The following DYM variants were observed in gnomAD, a reference collection of about 807,000 sequenced individuals.
The protein encoded by DYM is dymeclin.
DYM carries 78 observed loss-of-function variants against 93.1 expected under a neutral mutation model. That is an observed-to-expected ratio of 0.84 (90% CI 0.70 to 1.01). The LOEUF is 1.01. DYM is among the 50% of genes least tolerant of loss of function. The pLI is 0.00. For synonymous variants in DYM, 321 were observed against 319.7 expected (o/e 1.00, Z -0.04); for missense variants, 789 against 845.0 (o/e 0.93, Z 0.82).
chr18:49,121,490 G>C (rs1458638279), intron 15 of DYM, among the ~76,000 whole-genome samples: 1 of 152,068 alleles, frequency 6.6e-6, no homozygotes, highest in East Asian at 1.9e-4. Flanking sequence ...TATTCAAAGA[G>C]ATAATGACTG....
chr18:49,321,006 A>G (rs1963287223), intron 8 of DYM: 1 of 175,958 alleles, frequency 5.7e-6, no homozygotes. Flanking sequence ...AACATAAATT[A>G]AAACAGCTGC....
intron 5 of DYM, among the ~76,000 whole-genome samples, chr18:49,372,928 TA>T: frequency 6.6e-6 from 1 of 152,142 alleles, no homozygotes; most frequent in South Asian, 2.1e-4. Flanking sequence ...TAAAGTGGCC[TA>T]TGGTTGAAAA....
intron 1 of DYM, among the ~76,000 whole-genome samples, chr18:49,458,423 G>A (rs560774183): frequency 1.6e-3 from 244 of 152,140 alleles, no homozygotes; most frequent in Non-Finnish European, 2.5e-3. Context: ...ACATAAAAGC[G>A]TTTGCACTGT....
At chr18:49,130,216 GA>G (rs1387062785) in intron 15 of DYM, among the ~76,000 whole-genome samples, 1 of 152,100 alleles carries the variant, frequency 6.6e-6, no homozygotes, top group Non-Finnish European at 1.5e-5. Flanking sequence ...GAGTAGTAAA[GA>G]AACACTGAAA....
chr18:49,293,151 T>C (rs1037461669), intron 8 of DYM, among the ~76,000 whole-genome samples: 1 of 152,176 alleles, frequency 6.6e-6, no homozygotes, highest in Non-Finnish European at 1.5e-5. Flanking sequence ...GCAAAGGACA[T>C]GAATTCATCT....
At chr18:49,206,817 C>A (rs527445450) in intron 14 of DYM, among the ~76,000 whole-genome samples, 1 of 152,312 alleles carries the variant, frequency 6.6e-6, no homozygotes, top group East Asian at 1.9e-4. Context: ...CCCCTGGAGG[C>A]TTCATACTGT....
intron 8 of DYM, among the ~76,000 whole-genome samples, chr18:49,292,355 G>GACACACAC (rs57025579): frequency 0.025 from 2,110 of 84,590 alleles, 52 homozygotes; most frequent in South Asian, 0.035. Context: ...CAGACAGACA[G>GACACACAC]ACACACACAC....
At chr18:49,236,782 C>G (rs576119829) in intron 13 of DYM, among the ~76,000 whole-genome samples, 12 of 152,314 alleles carry the variant, frequency 7.9e-5, no homozygotes, top group African/African-American at 2.9e-4. Flanking sequence ...CTCCCAGCCT[C>G]TGAGGTAGAG....
chr18:49,306,103 A>C (rs1470822852), intron 8 of DYM, among the ~76,000 whole-genome samples: 1 of 152,222 alleles, frequency 6.6e-6, no homozygotes, highest in Non-Finnish European at 1.5e-5. Flanking sequence ...AAATCCAAGG[A>C]AATTACCCAA....
chr18:49,163,938 T>C (rs2145083191), intron 14 of DYM, 151 bp from the exon 15 acceptor site: 1 of 621,020 alleles, frequency 1.6e-6, no homozygotes, highest in Non-Finnish European at 2.8e-6. Flanking sequence ...GCAAGATTAA[T>C]AATAGTATTT....
At chr18:49,174,455 G>A (rs1486828824) in intron 14 of DYM, among the ~76,000 whole-genome samples, 1 of 152,102 alleles carries the variant, frequency 6.6e-6, no homozygotes, top group African/African-American at 2.4e-5. Context: ...GGTAATCCGA[G>A]TCTAGACCAT....
chr18:49,203,882 A>G (rs1439806170), intron 14 of DYM, among the ~76,000 whole-genome samples: 4 of 137,202 alleles, frequency 2.9e-5, no homozygotes, highest in African/African-American at 1.1e-4. Flanking sequence ...AAAAAAAAAA[A>G]AAAAAAAAAA....
intron 16 of DYM, chr18:49,114,412 C>T (rs8097746): frequency 0.54 from 172,769 of 320,632 alleles, 48,925 homozygotes; most frequent in Non-Finnish European, 0.6. Context: ...AATAAGTGGC[C>T]CATTATTCCG....
intron 17 of DYM, among the ~76,000 whole-genome samples, chr18:49,065,013 T>C (rs551971456): frequency 1.7e-4 from 26 of 152,114 alleles, no homozygotes; most frequent in African/African-American, 6.0e-4. Flanking sequence ...TGATTTAAAT[T>C]AGCTACACTC....
intron 6 of DYM, among the ~76,000 whole-genome samples, chr18:49,353,575 A>G (rs921422239): frequency 6.6e-6 from 1 of 152,024 alleles, no homozygotes; most frequent in Non-Finnish European, 1.5e-5. Flanking sequence ...TAATTTAAAT[A>G]TAATAGAATA....
intron 8 of DYM, among the ~76,000 whole-genome samples, chr18:49,326,674 T>C (rs2146705783): frequency 6.6e-6 from 1 of 152,304 alleles, no homozygotes; most frequent in South Asian, 2.1e-4. Context: ...ATGGGGCTTT[T>C]AGTGTAAGAT....
chr18:49,401,497 G>A (rs2148045777), intron 2 of DYM, among the ~76,000 whole-genome samples: 1 of 152,278 alleles, frequency 6.6e-6, no homozygotes, highest in Middle Eastern at 3.4e-3. Context: ...TCAAATCAGG[G>A]TAATTGGGGC....
chr18:49,227,112 G>T (rs183579336), intron 13 of DYM, among the ~76,000 whole-genome samples: 5 of 152,152 alleles, frequency 3.3e-5, no homozygotes, highest in Admixed American at 3.3e-4. Flanking sequence ...AAATAAACAG[G>T]TATAAAATAG....
intron 14 of DYM, among the ~76,000 whole-genome samples, chr18:49,181,481 G>C (rs1278658431): frequency 2.0e-5 from 3 of 152,132 alleles, no homozygotes; most frequent in Admixed American, 2.0e-4. Context: ...CTTGGAACCA[G>C]AAGTGTTTTT....
Sources: gnomAD v4.1 joint callset for allele counts (sites outside exome capture counted in the v4.1 genomes callset) on GRCh38, gnomAD v4.1.1 for gene constraint, MANE v1.5 for transcripts, NCBI Gene and HGNC (gene_info 2026-07-23, HGNC 2026-07-21) for gene names.